Variants in CFAP299 observed in about 807,000 individuals in gnomAD.
CFAP299 encodes cilia and flagella associated protein 299.
CFAP299 carries 21 observed loss-of-function variants against 27.0 expected under a neutral mutation model. That is an observed-to-expected ratio of 0.78 (90% CI 0.55 to 1.12). The LOEUF is 1.12. Among genes scored for constraint, CFAP299 ranks in the 50% most tolerant of loss-of-function variants. The probability of loss-of-function intolerance (pLI) is 0.00; values close to 1 mark genes in which losing one functional copy is unlikely to be tolerated. For synonymous variants in CFAP299, 104 were observed against 98.1 expected (o/e 1.06, Z -0.36); for missense variants, 310 against 276.6 (o/e 1.12, Z -0.86).
chr4:80,936,700 A>G (rs1006002002), intron 4 of CFAP299, among the ~76,000 whole-genome samples: 1 of 152,096 alleles, frequency 6.6e-6, no homozygotes, highest in East Asian at 1.9e-4. Context: ...GGCTTAGTAC[A>G]TGCCTGACTA....
intron 3 of CFAP299, among the ~76,000 whole-genome samples, chr4:80,742,804 A>C (rs1279227391): frequency 6.6e-6 from 1 of 152,170 alleles, no homozygotes; most frequent in African/African-American, 2.4e-5. Context: ...TCAAAAGTGG[A>C]ATGTTGATCT....
chr4:80,342,733 C>T (rs1054511894), intron 1 of CFAP299, among the ~76,000 whole-genome samples: 2 of 152,018 alleles, frequency 1.3e-5, no homozygotes, highest in East Asian at 1.9e-4. Context: ...GTACACAGTA[C>T]ACCAACTAAT....
chr4:80,845,688 A>G (rs1560441445), intron 3 of CFAP299, among the ~76,000 whole-genome samples: 1 of 152,168 alleles, frequency 6.6e-6, no homozygotes, highest in Admixed American at 6.6e-5. Flanking sequence ...CAACTACCGT[A>G]TCTGCTAGAT....
chr4:80,406,723 A>T (rs1460385079), intron 2 of CFAP299, among the ~76,000 whole-genome samples: 1 of 152,156 alleles, frequency 6.6e-6, no homozygotes, highest in African/African-American at 2.4e-5. Flanking sequence ...TCAAAAAAAA[A>T]TTTCAAAGTC....
intron 4 of CFAP299, among the ~76,000 whole-genome samples, chr4:80,902,339 C>CAT (rs1219613785): frequency 1.4e-5 from 2 of 143,094 alleles, no homozygotes; most frequent in Non-Finnish European, 3.0e-5. Context: ...TTATTTTATC[C>CAT]ATATATATGG....
In CFAP299 at chr4:80,752,433, AAT is replaced by A. The variant is rs138153448; in HGVS notation, c.334-117550_334-117549del. On this transcript the variant is annotated intron_variant, in intron 3 of 5. Coordinates refer to ENST00000358105, the MANE Select transcript of CFAP299 (RefSeq NM_152770.3). Reference sequence around the variant, plus strand: ...ATATATATACACATATATATAAATAAATATATATATACTATATATATAAAATA... The same window carrying A: ...ATATATATACACATATATATAAATAAATATATATACTATATATATAAAATA... 6.1e-5 allele frequency among the ~76,000 whole-genome samples: 9 copies of A among 147,090 alleles called. No individual in the cohort carries two copies. The South Asian group carries it at 1.1e-3, about 17-fold the overall frequency.
intron 3 of CFAP299, among the ~76,000 whole-genome samples, chr4:80,606,513 C>A (rs1201064517): frequency 6.6e-6 from 1 of 151,926 alleles, no homozygotes; most frequent in Non-Finnish European, 1.5e-5. Context: ...CCAGCCTGGG[C>A]AACAGAGCGA....
intron 3 of CFAP299, among the ~76,000 whole-genome samples, chr4:80,690,449 T>C (rs1720587994): frequency 6.6e-6 from 1 of 151,734 alleles, no homozygotes; most frequent in South Asian, 2.1e-4. Flanking sequence ...GACTACTGGG[T>C]ACATAACGAA....
intron 2 of CFAP299, among the ~76,000 whole-genome samples, chr4:80,431,721 T>G (rs1015651934): frequency 1.3e-5 from 2 of 152,200 alleles, no homozygotes; most frequent in Non-Finnish European, 2.9e-5. Flanking sequence ...CAGAGAAGCC[T>G]CTTCACCTTC....
intron 4 of CFAP299, among the ~76,000 whole-genome samples, chr4:80,940,805 T>G (rs192773859): frequency 2.6e-5 from 4 of 152,308 alleles, no homozygotes; most frequent in African/African-American, 9.6e-5. Context: ...TACAAATTAC[T>G]CAGTTACATA....
chr4:80,755,131 G>A (rs1399878720), intron 3 of CFAP299, among the ~76,000 whole-genome samples: 1 of 152,030 alleles, frequency 6.6e-6, no homozygotes, highest in Admixed American at 6.6e-5. Context: ...GGGAAGTGGT[G>A]GATATAAGGC....
At chr4:80,778,155 T>C (rs1349272249) in intron 3 of CFAP299, among the ~76,000 whole-genome samples, 2 of 152,162 alleles carry the variant, frequency 1.3e-5, no homozygotes, top group Admixed American at 1.3e-4. Context: ...AATTTCCTTA[T>C]TGGGTCTCAG....
chr4:80,901,508 T>C (rs1248449714), intron 4 of CFAP299, among the ~76,000 whole-genome samples: 1 of 152,122 alleles, frequency 6.6e-6, no homozygotes, highest in Non-Finnish European at 1.5e-5. Flanking sequence ...TTTAAAAATA[T>C]ATTTGCTGTT....
At chr4:80,381,810 T>C (rs1273727828) in intron 2 of CFAP299, among the ~76,000 whole-genome samples, 1 of 152,194 alleles carries the variant, frequency 6.6e-6, no homozygotes, top group African/African-American at 2.4e-5. Flanking sequence ...CTCAACATCC[T>C]TCATAGTTCA....
chr4:80,715,459 A>G (rs1722423475), intron 3 of CFAP299, among the ~76,000 whole-genome samples: 1 of 152,002 alleles, frequency 6.6e-6, no homozygotes, highest in Non-Finnish European at 1.5e-5. Context: ...TTGTTTTGTG[A>G]TGGCAGACAT....
intron 2 of CFAP299, among the ~76,000 whole-genome samples, chr4:80,578,544 T>G (rs1334368060): frequency 6.6e-6 from 1 of 152,172 alleles, no homozygotes; most frequent in Non-Finnish European, 1.5e-5. Flanking sequence ...GAGACTTGCA[T>G]AATAATAAAA....
At chr4:80,466,292 A>G (rs1729694780) in intron 2 of CFAP299, among the ~76,000 whole-genome samples, 1 of 152,174 alleles carries the variant, frequency 6.6e-6, no homozygotes, top group African/African-American at 2.4e-5. Flanking sequence ...CCTTTTTATA[A>G]AAAGGAAATA....
At chr4:80,587,187 T>C (rs1736490280) in intron 3 of CFAP299, among the ~76,000 whole-genome samples, 1 of 152,200 alleles carries the variant, frequency 6.6e-6, no homozygotes, top group African/African-American at 2.4e-5. Flanking sequence ...ATAGAATTCA[T>C]GCTTGTCCAC....
chr4:80,386,728 G>C (rs1357738383), intron 2 of CFAP299: 2 of 1,554,798 alleles, frequency 1.3e-6, no homozygotes, highest in Non-Finnish European at 1.8e-6. Flanking sequence ...GCTTCATGCC[G>C]GAGTGGGAGA....
Sources: gnomAD v4.1 joint callset for allele counts (sites outside exome capture counted in the v4.1 genomes callset) on GRCh38, gnomAD v4.1.1 for gene constraint, MANE v1.5 for transcripts, NCBI Gene and HGNC (gene_info 2026-07-23, HGNC 2026-07-21) for gene names.